Variants in MYH15 observed in about 807,000 individuals in gnomAD.
MYH15 encodes myosin heavy chain 15, also known as myosin-15.
Under a neutral mutation model 240.5 loss-of-function variants are expected in MYH15, and 227 were observed. The ratio of observed to expected loss-of-function variants is 0.94; its 90% CI spans 0.85 to 1.05. MYH15 has a LOEUF of 1.05. Among genes scored for constraint, MYH15 ranks in the 50% least tolerant of loss-of-function variants. The pLI, the probability that MYH15 is intolerant of heterozygous loss-of-function variation, is 0.00. For synonymous variants in MYH15, 785 were observed against 796.7 expected (o/e 0.99, Z 0.25); for missense variants, 2,217 against 2,247.5 (o/e 0.99, Z 0.27).
At chr3:108,382,321 C>G (rs2082349458) in intron 40 of MYH15, among the ~76,000 whole-genome samples, 1 of 152,154 alleles carries the variant, frequency 6.6e-6, no homozygotes, top group Non-Finnish European at 1.5e-5. Context: ...TCTGGAGTCT[C>G]TCAATGATTC....
chr3:108,500,749 T>A, intron 3 of MYH15, among the ~76,000 whole-genome samples: 1 of 152,228 alleles, frequency 6.6e-6, no homozygotes, highest in Non-Finnish European at 1.5e-5. Flanking sequence ...GTGAATGTGA[T>A]CTTATTTGGA....
intron 6 of MYH15, among the ~76,000 whole-genome samples, chr3:108,497,682 A>C (rs2083402215): frequency 3.3e-5 from 5 of 152,148 alleles, no homozygotes. Flanking sequence ...ATTTGTGGGA[A>C]TCTGATATCT....
chr3:108,434,875 T>C (rs1048318869), intron 25 of MYH15, among the ~76,000 whole-genome samples: 3 of 152,190 alleles, frequency 2.0e-5, no homozygotes, highest in Non-Finnish European at 2.9e-5. Flanking sequence ...TTCTCTACAT[T>C]TATTCTTAAT....
Position 108,528,138 on chromosome 3 carries a change from G to A in MYH15, c.-58+1125C>T, listed in dbSNP as rs561598967. Among the ~76,000 whole-genome samples the A allele has an allele frequency of 7.1e-4, 108 of 152,134 alleles. 1 individual carries two copies. The highest frequency in any genetic ancestry group is 2.4e-3 in the Admixed American group (36 of 15,272). ...AACAATGGCAATTAAATTTCAACAT[G>A]AGTTTTGAAGGGGATGCATATTCAA... On this transcript the variant is annotated intron_variant, in intron 1 of 41. Transcript: ENST00000273353.
intron 12 of MYH15, among the ~76,000 whole-genome samples, chr3:108,473,217 C>T (rs2083191995): frequency 6.6e-6 from 1 of 152,188 alleles, no homozygotes; most frequent in South Asian, 2.1e-4. Context: ...CCATGTTGGC[C>T]AGGCTGGTCT....
upstream of MYH15, among the ~76,000 whole-genome samples, chr3:108,515,121 T>C (rs2083550895): frequency 6.6e-6 from 1 of 152,180 alleles, no homozygotes; most frequent in Non-Finnish European, 1.5e-5. Flanking sequence ...GTCTGTAAGG[T>C]GACACTGGTG....
chr3:108,441,265 C>T lies in MYH15; in HGVS notation c.2656-5G>A, dbSNP rs2082883252. 2.5e-6 allele frequency: 4 copies of T among 1,613,200 alleles called. No individual in the cohort carries two copies. The Admixed American group carries it at 6.7e-5, about 27-fold the overall frequency. On this transcript the variant is annotated splice_polypyrimidine_tract_variant and splice_region_variant and intron_variant, in intron 22 of 40. Coordinates refer to ENST00000693548, the MANE Select transcript of MYH15 (RefSeq NM_014981.3). Reference sequence around the variant, plus strand: ...ATTTGCCAGTGTCTCTTGCTCCTGCCATGATGAGGAGAAAATTGTTGCCAA... The same window carrying T: ...ATTTGCCAGTGTCTCTTGCTCCTGCTATGATGAGGAGAAAATTGTTGCCAA...
chr3:108,382,899 G>A (rs73205965), intron 40 of MYH15, among the ~76,000 whole-genome samples: 136 of 152,218 alleles, frequency 8.9e-4, no homozygotes, highest in Middle Eastern at 3.4e-3. Context: ...GCCAGACCTC[G>A]TTTAAAAACT....
intron 33 of MYH15, chr3:108,404,770 A>T (rs1340766444): frequency 2.0e-5 from 3 of 152,232 alleles, no homozygotes; most frequent in Non-Finnish European, 4.4e-5. Context: ...CTACAGGTAC[A>T]GGCAGGGGGT....
At chr3:108,502,392 T>C (rs537344946) in intron 2 of MYH15, among the ~76,000 whole-genome samples, 1 of 152,284 alleles carries the variant, frequency 6.6e-6, no homozygotes, top group South Asian at 2.1e-4. Flanking sequence ...TTTTGTATAT[T>C]TTAATAATTG....
intron 35 of MYH15, 27 bp from the exon 36 acceptor site, chr3:108,394,183 G>A (rs886175433): frequency 6.2e-7 from 1 of 1,612,986 alleles, no homozygotes; most frequent in Non-Finnish European, 8.5e-7. Flanking sequence ...TTCCTATTAG[G>A]CAAGTAAAAA....
intron 14 of MYH15, 73 bp from the exon 15 acceptor site, chr3:108,464,887 T>TC: frequency 7.4e-7 from 1 of 1,354,342 alleles, no homozygotes; most frequent in Non-Finnish European, 9.9e-7. Context: ...CAGTATAAAT[T>TC]CTTTCCCAGG....
At chr3:108,393,223 G>A (rs1465872080) in intron 36 of MYH15, among the ~76,000 whole-genome samples, 1 of 152,220 alleles carries the variant, frequency 6.6e-6, no homozygotes, top group Non-Finnish European at 1.5e-5. Flanking sequence ...GCATGTGGCT[G>A]TGCATTTGAT....
chr3:108,424,124 T>C (rs2082707927), intron 27 of MYH15, among the ~76,000 whole-genome samples: 1 of 152,162 alleles, frequency 6.6e-6, no homozygotes, highest in East Asian at 1.9e-4. Context: ...GACAACTTAG[T>C]CAATGGTGCG....
rs369615191 is a variant in MYH15 at position 108,492,887 on chromosome 3, C to A, written c.775+227G>T. 2.0e-5 allele frequency among the ~76,000 whole-genome samples: 3 copies of A among 151,826 alleles called. No homozygotes were observed. In the East Asian group the frequency reaches 5.8e-4, roughly 30 times the overall value. ...ATTGCTTGATCCCAGGAATTCGAGG[C>A]TGCAGTGAGCCATGATCATGCCACG... On this transcript the variant is annotated intron_variant, in intron 8 of 40. Coordinates refer to ENST00000693548, the MANE Select transcript of MYH15 (RefSeq NM_014981.3).
the MYH15 span, among the ~76,000 whole-genome samples, chr3:108,542,697 T>C: frequency 6.6e-6 from 1 of 152,124 alleles, no homozygotes; most frequent in Admixed American, 6.5e-5. Context: ...TGATGCTCTC[T>C]TGCCCCCCAC....
intron 25 of MYH15, among the ~76,000 whole-genome samples, chr3:108,436,711 G>A (rs1195296179): frequency 6.6e-6 from 1 of 152,152 alleles, no homozygotes; most frequent in African/African-American, 2.4e-5. Flanking sequence ...GCTAATTTTT[G>A]TATTTTTAGT....
intron 20 of MYH15, 72 bp downstream of exon 20, chr3:108,455,657 GAGCATTC>G (rs1381616414): frequency 6.8e-7 from 1 of 1,461,778 alleles, no homozygotes; most frequent in African/African-American, 1.4e-5. Flanking sequence ...CCTTATAATT[GAGCATTC>G]ACAGGTATTT....
At chr3:108,445,040 T>C in intron 21 of MYH15, 145 bp from the exon 22 acceptor site, 1 of 934,518 alleles carries the variant, frequency 1.1e-6, no homozygotes, top group Non-Finnish European at 1.5e-6. Flanking sequence ...ATCTGGACTT[T>C]CACTTGATTC....
Sources: allele counts gnomAD v4.1 joint callset (sites outside exome capture counted in the v4.1 genomes callset), GRCh38; gene constraint gnomAD v4.1.1; transcripts MANE v1.5; gene names NCBI Gene and HGNC (gene_info 2026-07-23, HGNC 2026-07-21).